The following DNAAF19 variants were observed in gnomAD, a reference collection of about 807,000 sequenced individuals.
DNAAF19 encodes the protein coiled-coil domain containing 103.
At chr17:44,902,488 C>G in the DNAAF19 span, 1 of 1,614,254 alleles carries the variant, frequency 6.2e-7, no homozygotes, top group Admixed American at 1.7e-5. Context: ...GCTCGGCTGC[C>G]TCTTCCAGAC....
the DNAAF19 span, chr17:44,905,346 A>C: frequency 2.2e-6 from 1 of 458,570 alleles, no homozygotes; most frequent in Non-Finnish European, 4.1e-6. Flanking sequence ...GAAAGTGTGA[A>C]CTCAGATTTA....
chr17:44,904,793 G>C, the DNAAF19 span: 16 of 1,550,616 alleles, frequency 1.0e-5, no homozygotes, highest in Non-Finnish European at 1.4e-5. Context: ...GTCCATGAGG[G>C]TGTTCATTGA....
chr17:44,902,532 G>C, the DNAAF19 span: 1 of 1,614,260 alleles, frequency 6.2e-7, no homozygotes, highest in Non-Finnish European at 8.5e-7. Flanking sequence ...GGGAGCTGCT[G>C]GTGGCACTGG....
chr17:44,901,255 C>A, the DNAAF19 span: 1 of 1,288,366 alleles, frequency 7.8e-7, no homozygotes, highest in Non-Finnish European at 1.1e-6. Flanking sequence ...ACTGTTTGAT[C>A]TTATGCAATT....
chr17:44,901,794 T>C, the DNAAF19 span: 2 of 1,001,004 alleles, frequency 2.0e-6, no homozygotes, highest in East Asian at 2.7e-5. Context: ...CCAACAGAGA[T>C]AGGTTTCTGC....
At chr17:44,904,679 G>A in the DNAAF19 span, 2 of 1,550,458 alleles carry the variant, frequency 1.3e-6, no homozygotes, top group East Asian at 2.4e-5. Flanking sequence ...ACTGGGCCAT[G>A]GACTCATCAT....
chr17:44,903,050 C>T, the DNAAF19 span: 18 of 1,384,968 alleles, frequency 1.3e-5, no homozygotes, highest in African/African-American at 5.8e-5. Flanking sequence ...AAGTTGAGAG[C>T]GGTTTTGTTT....
At chr17:44,901,515 T>C in the DNAAF19 span, 1 of 1,614,084 alleles carries the variant, frequency 6.2e-7, no homozygotes, top group Non-Finnish European at 8.5e-7. Flanking sequence ...GTCCTTTGCC[T>C]ACAGGGGTAT....
chr17:44,901,245 A>G, the DNAAF19 span: 11 of 1,361,814 alleles, frequency 8.1e-6, no homozygotes, highest in African/African-American at 1.5e-5. Context: ...CCCACCGTCT[A>G]CTGTTTGATC....
At chr17:44,904,961 G>A in the DNAAF19 span, 29 of 1,550,748 alleles carry the variant, frequency 1.9e-5, no homozygotes, top group South Asian at 2.9e-4. Flanking sequence ...TCGCTCGGCT[G>A]TGGAGCTCAC....
chr17:44,903,734 T>C, the DNAAF19 span: 2 of 1,453,368 alleles, frequency 1.4e-6, no homozygotes, highest in Admixed American at 2.8e-5. Context: ...CCTTTCCTCA[T>C]CTAGAGGCTT....
the DNAAF19 span, chr17:44,905,074 G>A: frequency 1.3e-6 from 2 of 1,521,924 alleles, no homozygotes; most frequent in Admixed American, 4.1e-5. Flanking sequence ...CCCCCTAGGA[G>A]CTCTCTTCAG....
the DNAAF19 span, among the ~76,000 whole-genome samples, chr17:44,902,165 G>A: frequency 2.6e-3 from 390 of 152,240 alleles, 1 homozygote; most frequent in Non-Finnish European, 4.1e-3. Context: ...AAATCATGGC[G>A]TGGATTCCTT....
chr17:44,901,140 A>G, the DNAAF19 span: 1 of 1,602,994 alleles, frequency 6.2e-7, no homozygotes, highest in Non-Finnish European at 8.5e-7. Context: ...TGAGGAGTTC[A>G]GGTTGGCTCA....
chr17:44,905,388 A>G, the DNAAF19 span: 1 of 283,530 alleles, frequency 3.5e-6, no homozygotes, highest in Non-Finnish European at 7.0e-6. Flanking sequence ...GTGTTGAATC[A>G]TGTTTGAGCT....
At chr17:44,901,041 G>C in the DNAAF19 span, 3 of 1,599,794 alleles carry the variant, frequency 1.9e-6, no homozygotes, top group Non-Finnish European at 2.5e-6. Flanking sequence ...TTTGGAGAAA[G>C]AGCTGCAGGC....
At chr17:44,901,722 T>G in the DNAAF19 span, 1 of 1,490,978 alleles carries the variant, frequency 6.7e-7, no homozygotes, top group Non-Finnish European at 9.0e-7. Context: ...GTTTTTTCAT[T>G]TTGTTTTGTT....
At chr17:44,902,470 G>A in the DNAAF19 span, 5 of 1,614,274 alleles carry the variant, frequency 3.1e-6, no homozygotes, top group Non-Finnish European at 3.4e-6. Context: ...GCAGCTTGGG[G>A]GTCCAAGGCT....
chr17:44,904,385 G>A, the DNAAF19 span: 1 of 1,542,804 alleles, frequency 6.5e-7, no homozygotes, highest in Non-Finnish European at 8.8e-7. Context: ...AGTGCGTGGG[G>A]AGCAGTGGCG....
Sources: gnomAD v4.1 joint callset for allele counts (sites outside exome capture counted in the v4.1 genomes callset) on GRCh38, gnomAD v4.1.1 for gene constraint, MANE v1.5 for transcripts, NCBI Gene and HGNC (gene_info 2026-07-23, HGNC 2026-07-21) for gene names.